Variants in CUX2 observed in about 807,000 individuals in gnomAD.
CUX2 encodes homeobox protein cut-like 2.
In CUX2, 40 loss-of-function variants were observed where a neutral mutation model predicts 144.8. The ratio of observed to expected loss-of-function variants is 0.28; its 90% CI spans 0.21 to 0.36. The LOEUF (loss-of-function observed/expected upper bound fraction) is 0.36, where lower values mean the gene tolerates loss of function less well. Among genes scored for constraint, CUX2 ranks in the 10% least tolerant of loss-of-function variants. The probability of loss-of-function intolerance (pLI) is 1.00; values close to 1 mark genes in which losing one functional copy is unlikely to be tolerated. For synonymous variants in CUX2, 827 were observed against 875.6 expected (o/e 0.94, Z 0.98); for missense variants, 1,615 against 1,994.0 (o/e 0.81, Z 3.62).
At chr12:111,153,705 A>C (rs1167832558) in intron 1 of CUX2, among the ~76,000 whole-genome samples, 2 of 152,162 alleles carry the variant, frequency 1.3e-5, no homozygotes, top group Non-Finnish European at 2.9e-5. Context: ...GACAGACCAT[A>C]AGCAAACATA....
intron 1 of CUX2, among the ~76,000 whole-genome samples, chr12:111,063,287 G>C (rs1870865657): frequency 6.6e-6 from 1 of 152,168 alleles, no homozygotes; most frequent in Non-Finnish European, 1.5e-5. Flanking sequence ...TTACCTAGGG[G>C]CTTGTGAAAA....
rs1491501890 is a variant in CUX2 at position 111,328,975 on chromosome 12, C to CTCTCTCTCTCTCTCT, written c.2927-5466_2927-5465insTCTCTCTCTCTCTCT. Among the ~76,000 whole-genome samples, 91 of 65,626 alleles carry CTCTCTCTCTCTCTCT rather than the reference C, an allele frequency of 1.4e-3. 1 individual carries two copies. Among genetic ancestry groups the CTCTCTCTCTCTCTCT allele is most frequent in the African/African-American group, 6.4e-3 (53 of 8,254 alleles). The allele number at this position is 65,626 out of a possible 152,430, so 43.1% of individuals were successfully genotyped here. On this transcript the variant is annotated intron_variant, in intron 18 of 21. Coordinates refer to ENST00000261726, the MANE Select transcript of CUX2 (RefSeq NM_015267.4). ...TCTCTCTCTCTCTCTCTCTCTCTCT[C>CTCTCTCTCTCTCTCT]CCCCTCTCTCCCTCTCTCCCTCTCC... is the stretch of plus-strand genomic sequence containing the variant.
chr12:111,252,935 A>G (rs1437639094), intron 3 of CUX2, among the ~76,000 whole-genome samples: 1 of 151,774 alleles, frequency 6.6e-6, no homozygotes, highest in Admixed American at 6.6e-5. Context: ...CAGTTGTTAA[A>G]GCCCCAAGCT....
At chr12:111,197,064 C>T (rs1880284761) in intron 1 of CUX2, among the ~76,000 whole-genome samples, 1 of 152,168 alleles carries the variant, frequency 6.6e-6, no homozygotes, top group African/African-American at 2.4e-5. Context: ...AGTGGACGGG[C>T]TCTGGAGCTA....
At chr12:111,054,804 T>G (rs775906892) in intron 1 of CUX2, among the ~76,000 whole-genome samples, 3 of 152,136 alleles carry the variant, frequency 2.0e-5, no homozygotes, top group African/African-American at 4.8e-5. Flanking sequence ...TTTTTGTATT[T>G]TTAGTAGAGA....
In CUX2 at chr12:111,037,898, G is replaced by A. The variant is rs1018145979; in HGVS notation, c.63+3658G>A. 1.3e-5 allele frequency among the ~76,000 whole-genome samples: 2 copies of A among 152,088 alleles called. No homozygotes were observed. Among genetic ancestry groups the A allele is most frequent in the Non-Finnish European group, 2.9e-5 (2 of 68,024 alleles). On this transcript the variant is annotated intron_variant, in intron 1 of 21. Coordinates refer to ENST00000261726, the MANE Select transcript of CUX2 (RefSeq NM_015267.4). The surrounding 1 kb of genome is among the most constrained non-coding windows in gnomAD (Gnocchi z 5.4). ...GCACCCAGTCCAAATGAGGGTCCTC[G>A]GTCCAAATGCCCATCTGTGTTTCTG...
intron 1 of CUX2, among the ~76,000 whole-genome samples, chr12:111,105,485 CTG>C (rs139804461): frequency 7.3e-4 from 109 of 149,494 alleles, no homozygotes; most frequent in East Asian, 2.9e-3. Flanking sequence ...CTGGAAAGCT[CTG>C]TGTGTGTGTG....
At chr12:111,297,573 C>T (rs1369248434) in intron 8 of CUX2, among the ~76,000 whole-genome samples, 24 of 152,232 alleles carry the variant, frequency 1.6e-4, no homozygotes, top group Non-Finnish European at 4.4e-5. Flanking sequence ...CAGCTCCACA[C>T]TCCAATCCTC....
chr12:111,034,165 G>T lies in CUX2; in HGVS notation c.-13G>T. 7.2e-7 allele frequency: 1 copy of T among 1,394,268 alleles called. No homozygotes were observed. The highest frequency in any genetic ancestry group is 9.6e-7 in the Non-Finnish European group (1 of 1,044,512). 86.4% of individuals were successfully genotyped at this position (1,394,268 alleles called of 1,614,324 possible). ...CCAAACTCTTGTGTGTGCGCGTCTC[G>T]ATAGCCCCCAAGATGGCCGCCAATG... On this transcript the variant is annotated 5_prime_UTR_variant, in exon 1 of 22. Coordinates refer to ENST00000261726, the MANE Select transcript of CUX2 (RefSeq NM_015267.4). The surrounding 1 kb of genome is among the most constrained non-coding windows in gnomAD (Gnocchi z 4.2).
chr12:111,171,510 G>T lies in CUX2; in HGVS notation c.64-42690G>T, dbSNP rs997548626. On this transcript the variant is annotated intron_variant, in intron 1 of 21. Coordinates refer to ENST00000261726, the MANE Select transcript of CUX2 (RefSeq NM_015267.4). The surrounding 1 kb of genome is among the most constrained non-coding windows in gnomAD (Gnocchi z 5.0). ...TCTTGCTTCCTTGTTTCCATGGCTTGTGGGGAAACCCCGGTCCCGTGTCCC... is the reference window on the plus strand; with the variant it reads ...TCTTGCTTCCTTGTTTCCATGGCTTTTGGGGAAACCCCGGTCCCGTGTCCC... Among the ~76,000 whole-genome samples, 1 of 152,164 alleles carries T rather than the reference G, an allele frequency of 6.6e-6. No individual in the cohort carries two copies. Among genetic ancestry groups the T allele is most frequent in the African/African-American group, 2.4e-5 (1 of 41,432 alleles).
At chr12:111,202,324 C>T (rs1235224601) in intron 1 of CUX2, among the ~76,000 whole-genome samples, 7 of 152,152 alleles carry the variant, frequency 4.6e-5, no homozygotes, top group Non-Finnish European at 1.0e-4. Context: ...TTTTAAATTC[C>T]GAGAACTCCG....
intron 1 of CUX2, among the ~76,000 whole-genome samples, chr12:111,201,886 C>T (rs1018893161): frequency 6.6e-6 from 1 of 152,216 alleles, no homozygotes; most frequent in Non-Finnish European, 1.5e-5. Flanking sequence ...GTTCAAAGCC[C>T]AGCTCTGCTT....
Position 111,342,070 on chromosome 12 carries a change from G to T in CUX2, c.3659+17G>T, listed in dbSNP as rs777924441. 2.5e-6 allele frequency: 4 copies of T among 1,596,196 alleles called. No individual in the cohort carries two copies. The African/African-American group carries it at 5.4e-5, about 21-fold the overall frequency. The stretch of plus-strand genomic sequence containing the variant: ...CAACTACAGGTGGGACTATGGGGGC[G>T]TACCCACAGGCGGGTGGCAGAATCC... On this transcript the variant is annotated intron_variant, in intron 21 of 21. Transcript: ENST00000261726.
At chr12:111,093,950 A>G (rs1331915557) in intron 1 of CUX2, among the ~76,000 whole-genome samples, 1 of 152,216 alleles carries the variant, frequency 6.6e-6, no homozygotes, top group African/African-American at 2.4e-5. Context: ...GCAGGAGCCA[A>G]TTGATGTTTA....
At chr12:111,091,837 C>G (rs553246366) in intron 1 of CUX2, among the ~76,000 whole-genome samples, 2 of 152,308 alleles carry the variant, frequency 1.3e-5, no homozygotes, top group East Asian at 3.9e-4. Flanking sequence ...TCACTAGGAT[C>G]TTGCCTCCAT....
intron 1 of CUX2, among the ~76,000 whole-genome samples, chr12:111,177,602 G>T (rs894829786): frequency 6.6e-6 from 1 of 152,200 alleles, no homozygotes; most frequent in Non-Finnish European, 1.5e-5. Context: ...TGTTGGCCAG[G>T]CTGGTCTCGA....
rs536168045 is a variant in CUX2 at position 111,230,082 on chromosome 12, G to A, written c.222+12145G>A. 2.0e-3 allele frequency among the ~76,000 whole-genome samples: 307 copies of A among 151,934 alleles called. 2 individuals carry two copies. The highest frequency in any genetic ancestry group is 4.1e-3 in the Admixed American group (63 of 15,256). On this transcript the variant is annotated intron_variant, in intron 3 of 21. Coordinates refer to ENST00000261726, the MANE Select transcript of CUX2 (RefSeq NM_015267.4). ...ATGGGAGGATTGCTTGAGACCAGCA[G>A]GTCGAGGCTGCAACAGTGAGCCATT...
chr12:111,284,424 C>T (rs1885273016), intron 4 of CUX2, among the ~76,000 whole-genome samples: 2 of 152,116 alleles, frequency 1.3e-5, no homozygotes, highest in Non-Finnish European at 2.9e-5. Context: ...GAGACAAGGC[C>T]GGGCAGGAGC....
intron 17 of CUX2, among the ~76,000 whole-genome samples, chr12:111,321,533 A>G (rs916123924): frequency 2.6e-5 from 4 of 151,970 alleles, no homozygotes; most frequent in African/African-American, 9.7e-5. Context: ...CATCTCTACA[A>G]AATAAAAAAA....
Sources: allele counts gnomAD v4.1 joint callset (sites outside exome capture counted in the v4.1 genomes callset), GRCh38; gene constraint gnomAD v4.1.1; non-coding constraint Gnocchi (gnomAD v3.1); transcripts MANE v1.5; gene names NCBI Gene and HGNC (gene_info 2026-07-23, HGNC 2026-07-21).